Variants in ZNF217 observed in about 807,000 individuals in gnomAD.
ZNF217 encodes the protein zinc finger protein 217.
A neutral mutation model predicts 73.3 loss-of-function variants in ZNF217; 12 were observed. That is an observed-to-expected ratio of 0.16 (90% CI 0.10 to 0.27). The LOEUF (loss-of-function observed/expected upper bound fraction) is 0.27. Among genes scored for constraint, ZNF217 ranks in the 10% least tolerant of loss-of-function variants. ZNF217 has a pLI of 1.00. For missense variants in ZNF217, 1,195 were observed against 1,327.8 expected, an observed-to-expected ratio of 0.90 and a Z score of 1.55; for synonymous variants, 588 against 516.4, an observed-to-expected ratio of 1.14 and a Z score of -1.88.
At chr20:53,573,148 A>C (rs1988090557) in intron 4 of ZNF217, among the ~76,000 whole-genome samples, 3 of 145,204 alleles carry the variant, frequency 2.1e-5, no homozygotes. Flanking sequence ...TTTGAGATGG[A>C]GTCTCGCTCT....
chr20:53,595,422 C>T (rs938118878), upstream of ZNF217, among the ~76,000 whole-genome samples: 1 of 152,170 alleles, frequency 6.6e-6, no homozygotes, highest in Admixed American at 6.5e-5. Context: ...AAAGAACGCA[C>T]TACAGAAACG....
chr20:53,587,528 T>C (rs1274304283), intron 1 of ZNF217, among the ~76,000 whole-genome samples: 3 of 152,216 alleles, frequency 2.0e-5, no homozygotes, highest in Non-Finnish European at 2.9e-5. Context: ...ACATTGTTGA[T>C]ATGGAATATG....
chr20:53,588,590 CTATCTATATA>C (rs773916949), intron 1 of ZNF217, among the ~76,000 whole-genome samples: 43 of 26,694 alleles, frequency 1.6e-3, no homozygotes, highest in Non-Finnish European at 2.6e-3. Context: ...ATACACACAT[CTATCTATATA>C]TATATATATA....
upstream of ZNF217, among the ~76,000 whole-genome samples, chr20:53,594,042 C>A (rs1044827374): frequency 6.6e-6 from 1 of 150,932 alleles, no homozygotes; most frequent in Non-Finnish European, 1.5e-5. Context: ...CAAGACCCCC[C>A]CCCAACAAAA....
At chr20:53,585,174 C>G (rs1163509750) in intron 1 of ZNF217, among the ~76,000 whole-genome samples, 1 of 147,564 alleles carries the variant, frequency 6.8e-6, no homozygotes, top group Non-Finnish European at 1.5e-5. Flanking sequence ...AGAAACTTGA[C>G]TAATACGTGA....
chr20:53,593,975 G>C (rs1319531911), upstream of ZNF217: 5 of 151,528 alleles, frequency 3.3e-5, no homozygotes, highest in Non-Finnish European at 7.4e-5. Flanking sequence ...AAAGACACGG[G>C]GAGCCGCGGG....
Position 53,575,718 on chromosome 20 carries a change from A to C in ZNF217, c.3037+9T>G, listed in dbSNP as rs752608354. The C allele has an allele frequency of 6.4e-7, 1 of 1,556,582 alleles. No individual in the cohort carries two copies. The highest frequency in any genetic ancestry group is 2.2e-5 in the East Asian group (1 of 44,466). On this transcript the variant is annotated intron_variant, in intron 4 of 5. Coordinates refer to ENST00000371471, the MANE Select transcript of ZNF217 (RefSeq NM_006526.3). Reference sequence around the variant, plus strand: ...CAGCCATTTAAACACGACGCCCCTCATGCAATACCTTCTAACGTCGAGCTG... The same window carrying C: ...CAGCCATTTAAACACGACGCCCCTCCTGCAATACCTTCTAACGTCGAGCTG...
chr20:53,576,756 T>C lies in ZNF217; in HGVS notation c.2008A>G (p.Thr670Ala), dbSNP rs1454845517. Residue 670 changes from threonine to alanine, a missense_variant, in exon 4 of 6, where the codon ACC (threonine) becomes GCC (alanine). Around this residue, in one of 9 missense-constraint regions of ZNF217, gnomAD observed 649 missense variants for 642.8 expected, o/e 1.01. Transcript: ENST00000371471. ...GGCCTGTATCTGCAGTCAGCTGCGG[T>C]CTCCGTTTGCTTCTCTTTGGGGCTA... The part of the protein sequence containing the change: ...EVSPKEKQTE[T>A]AADCRYRPSV... 6.2e-7 allele frequency: 1 copy of C among 1,614,198 alleles called. No individual in the cohort carries two copies. Among genetic ancestry groups the C allele is most frequent in the Admixed American group, 1.7e-5 (1 of 60,028 alleles).
chr20:53,595,302 C>T (rs964429258), upstream of ZNF217, among the ~76,000 whole-genome samples: 1 of 152,154 alleles, frequency 6.6e-6, no homozygotes, highest in Non-Finnish European at 1.5e-5. Context: ...TCGCTACTAA[C>T]AAAATAGCCA....
In ZNF217 at chr20:53,581,599, T is replaced by G. The variant is rs6068589; in HGVS notation, c.1228A>C (p.Met410Leu). ...CCCGGCTGCCTCCCGTCCACAGACATGGTGGGCGACTCCGCGCCGGCCCTC... is the reference window on the plus strand; with the variant it reads ...CCCGGCTGCCTCCCGTCCACAGACAGGGTGGGCGACTCCGCGCCGGCCCTC... ...DRRAGAESPTMSVDGRQPGTC... is the reference protein window; with the variant it reads ...DRRAGAESPTLSVDGRQPGTC... The change falls in exon 2 of 6, where the codon ATG becomes CTG. Residue 410 changes from methionine (M) to leucine (L), a missense_variant. Around this residue, in one of 9 missense-constraint regions of ZNF217, gnomAD observed 116 missense variants for 121.9 expected, o/e 0.95. Transcript: ENST00000371471. This position sits in a 1 kb window ranked among gnomAD's most constrained non-coding sequence, Gnocchi z 4.9. The G allele has an allele frequency of 1.1e-5, 18 of 1,614,112 alleles. No individual in the cohort carries two copies. In the South Asian group the frequency reaches 1.9e-4, roughly 17 times the overall value.
intron 3 of ZNF217, among the ~76,000 whole-genome samples, chr20:53,577,769 A>G (rs757565179): frequency 1.1e-4 from 16 of 152,218 alleles, no homozygotes; most frequent in Non-Finnish European, 1.8e-4. Context: ...TTTTAATAAG[A>G]TAAGAGTCAG....
Position 53,582,818 on chromosome 20 carries a change from C to T in ZNF217, c.9G>A (p.Ser3=), listed in dbSNP as rs200038482. 118 of 1,598,200 alleles carry T rather than the reference C, an allele frequency of 7.4e-5. No homozygotes were observed. The Admixed American group carries it at 1.6e-3, about 22-fold the overall frequency. MQ[S]KVTGNMPTQS... is the part of the protein sequence containing the mutation. ...GAGTTGGCATGTTTCCTGTCACTTTCGATTGCATATAATCTCAAAGTTCCG... is the reference window on the plus strand; with the variant it reads ...GAGTTGGCATGTTTCCTGTCACTTTTGATTGCATATAATCTCAAAGTTCCG... The change falls in exon 2 of 6, where the codon TCG becomes TCA. Residue 3 remains serine, a synonymous_variant. Coordinates refer to ENST00000371471, the MANE Select transcript of ZNF217 (RefSeq NM_006526.3). The surrounding 1 kb of genome is among the most constrained non-coding windows in gnomAD (Gnocchi z 4.8).
rs1414181186 is a variant in ZNF217, at chr20:53,567,511, T to G, written c.*1777A>C. ...AGGTTTAAATTCCAGCCCTCTATTA[T>G]CACATACCCCCTTTAAGATTTATGG... On this transcript the variant is annotated 3_prime_UTR_variant, in exon 6 of 6. Transcript: ENST00000371471. The G allele has an allele frequency of 6.6e-6, 1 of 152,604 alleles. No homozygotes were observed. The highest frequency in any genetic ancestry group is 1.9e-4 in the East Asian group (1 of 5,198). The allele number at this position is 152,604 out of a possible 1,614,324, so 9.5% of individuals were successfully genotyped here.
upstream of ZNF217, chr20:53,593,861 G>A (rs961907967): frequency 6.6e-5 from 10 of 150,918 alleles, no homozygotes; most frequent in African/African-American, 2.2e-4. Flanking sequence ...GGCGCGGAGG[G>A]GAGGGGGCGG....
In ZNF217 at chr20:53,585,095, G is replaced by GAAAA. The variant is rs748460021; in HGVS notation, c.-342-1931_-342-1928dup. ...CAAAATCAAAGTTCAGTGAGAATTT[G>GAAAA]AAAAAAAAAAAAAAAAAAAAAAACT... On this transcript the variant is annotated intron_variant, in intron 1 of 5. Transcript: ENST00000371471. Among the ~76,000 whole-genome samples, 157 of 46,958 alleles carry GAAAA rather than the reference G, an allele frequency of 3.3e-3. 5 individuals carry two copies. Among genetic ancestry groups the GAAAA allele is most frequent in the African/African-American group, 0.011 (144 of 13,082 alleles). The allele number at this position is 46,958 out of a possible 152,430, so 30.8% of individuals were successfully genotyped here. A position where few individuals can be genotyped will look rare whatever the true frequency, so the allele number is the denominator to read the frequency against.
At position 53,576,099 on chromosome 20, in the gene ZNF217, C is replaced by T. The variant is rs749312304; in HGVS notation, c.2665G>A (p.Asp889Asn). The T allele has an allele frequency of 1.1e-5, 17 of 1,614,054 alleles. No individual in the cohort carries two copies. Among genetic ancestry groups the T allele is most frequent in the African/African-American group, 5.3e-5 (4 of 74,928 alleles). Residue 889 changes from aspartate (D) to asparagine (N), a missense_variant, in exon 4 of 6, where the codon GAC (aspartate) becomes AAC (asparagine). Physicochemically the swap from Asp to Asn is conservative, Grantham distance 23. This residue lies in a region of ZNF217 where 649 missense variants were observed against 642.8 expected (regional missense o/e 1.01). Transcript: ENST00000371471. Reference protein sequence around the residue: ...NGSIDYPAKNDSPWAPPGRDY... With the variant: ...NGSIDYPAKNNSPWAPPGRDY... ...CTTCCCGGAGGTGCCCACGGGCTGT[C>T]GTTCTTGGCGGGGTAGTCGATGGAA... is the stretch of plus-strand genomic sequence containing the variant.
chr20:53,575,564 C>G, intron 4 of ZNF217, 163 bp downstream of exon 4: 1 of 641,484 alleles, frequency 1.6e-6, no homozygotes, highest in Non-Finnish European at 2.6e-6. Context: ...TGGAGGACCA[C>G]AAACCACTGC....
intron 1 of ZNF217, among the ~76,000 whole-genome samples, chr20:53,585,601 A>G (rs1190242317): frequency 6.6e-6 from 1 of 152,202 alleles, no homozygotes; most frequent in African/African-American, 2.4e-5. Context: ...GAAACAGCAT[A>G]ACTTAGTTAC....
At chr20:53,596,754 T>C (rs1046985441), upstream of ZNF217, among the ~76,000 whole-genome samples, 3 of 151,970 alleles carry the variant, frequency 2.0e-5, no homozygotes, top group African/African-American at 7.3e-5. Context: ...ACTCCCTGCG[T>C]AGGCCATCTC....
Sources: allele counts gnomAD v4.1 joint callset (sites outside exome capture counted in the v4.1 genomes callset), GRCh38; gene constraint gnomAD v4.1.1; regional missense constraint gnomAD v4.1.1; non-coding constraint Gnocchi (gnomAD v3.1); transcripts MANE v1.5; gene names NCBI Gene and HGNC (gene_info 2026-07-23, HGNC 2026-07-21).